The following COX14 variants were observed in gnomAD, a reference collection of about 807,000 sequenced individuals.
The protein encoded by COX14 is cytochrome c oxidase assembly protein COX14.
In COX14, 3 loss-of-function variants were observed where a neutral mutation model predicts 5.8. The ratio of observed to expected loss-of-function variants is 0.51; its 90% confidence interval spans 0.23 to 1.33. The LOEUF is 1.33. Ranked by LOEUF, COX14 falls within the 40% of genes most tolerant of loss-of-function variation. The pLI is 0.18. For missense variants in COX14, 72 were observed against 72.1 expected, an observed-to-expected ratio of 1.00 and a Z score of 0.01; for synonymous variants, 25 against 26.1, an observed-to-expected ratio of 0.96 and a Z score of 0.13.
chr12:50,117,042 C>T (rs1270666385), intron 1 of COX14, among the ~76,000 whole-genome samples: 1 of 152,142 alleles, frequency 6.6e-6, no homozygotes, highest in Non-Finnish European at 1.5e-5. Context: ...CAGGGTCTCA[C>T]TCTGTCACCC....
At position 50,113,108 on chromosome 12, in the gene COX14, C is replaced by A. The variant is rs1192078395; in HGVS notation, c.-9+807C>A. 2.0e-5 allele frequency among the ~76,000 whole-genome samples: 3 copies of A among 152,026 alleles called. No individual in the cohort carries two copies. The East Asian group carries it at 5.8e-4, about 29-fold the overall frequency. On this transcript the variant is annotated intron_variant, in intron 1 of 1. Transcript: ENST00000550487. ...CAACCTGGTCTCCAACTCCTGAGCT[C>A]AAGCCATCCTCCCGCCTCGGCCTCC...
At chr12:50,118,572 C>T (rs1478659142) in intron 1 of COX14, 1 of 240,602 alleles carries the variant, frequency 4.2e-6, no homozygotes, top group African/African-American at 2.3e-5. Flanking sequence ...TCAAAACCAT[C>T]CTGGCTAACA....
chr12:50,116,373 G>A lies in COX14; in HGVS notation c.-8-3663G>A, dbSNP rs139578206. Among the ~76,000 whole-genome samples, 7 of 152,332 alleles carry A rather than the reference G, an allele frequency of 4.6e-5. No individual in the cohort carries two copies. The East Asian group carries it at 1.3e-3, about 29-fold the overall frequency. ...CTCCCAAACTGTTGGGATTATAGGC[G>A]TGAGCCACTGCGCCCGGCCTGAAGA... On this transcript the variant is annotated intron_variant, in intron 1 of 1. Transcript: ENST00000550487.
chr12:50,119,917 C>G, intron 1 of COX14, 119 bp from the exon 2 acceptor site: 1 of 757,368 alleles, frequency 1.3e-6, no homozygotes, highest in South Asian at 1.5e-5. Context: ...AGGGGCCATT[C>G]AGTATAGAGT....
chr12:50,118,395 C>T (rs1335163991), intron 1 of COX14: 1 of 983,434 alleles, frequency 1.0e-6, no homozygotes, highest in Admixed American at 6.1e-5. Flanking sequence ...CAGTTTCTGT[C>T]AGTCTTCGTG....
rs546864820 is a variant in COX14 at position 50,115,597 on chromosome 12, G to A, written c.-9+3296G>A. On this transcript the variant is annotated intron_variant, in intron 1 of 1. Transcript: ENST00000550487. ...TGAGACAGGGTCTCCCTGTCACCCA[G>A]GCTGCAGTGTAATGGCATGATCTCG... Among the ~76,000 whole-genome samples the A allele has an allele frequency of 2.7e-5, 4 of 150,300 alleles. No homozygotes were observed. The South Asian group carries it at 8.4e-4, about 32-fold the overall frequency.
In COX14 at chr12:50,120,193, A is replaced by G. The variant is rs372336241; in HGVS notation, c.150A>G (p.Glu50=). Reference sequence around the variant, plus strand: ...GGGCCCAGCGCCAGGCCGCAGAAGAACAGAAGACCTCAGGAATCATGTAGA... The same window carrying G: ...GGGCCCAGCGCCAGGCCGCAGAAGAGCAGAAGACCTCAGGAATCATGTAGA... ...WRRAQRQAAE[E]QKTSGIM is the part of the protein sequence containing the mutation. Residue 50 remains glutamate, a synonymous_variant, in exon 2 of 2, where the codon GAA becomes GAG. Coordinates refer to ENST00000550487, the MANE Select transcript of COX14 (RefSeq NM_032901.4). The G allele has an allele frequency of 1.1e-4, 173 of 1,614,098 alleles. 1 individual carries two copies. Among genetic ancestry groups the G allele is most frequent in the Non-Finnish European group, 1.4e-4 (168 of 1,180,018 alleles).
At chr12:50,119,643 C>T (rs1049872398) in intron 1 of COX14, among the ~76,000 whole-genome samples, 4 of 152,166 alleles carry the variant, frequency 2.6e-5, no homozygotes, top group African/African-American at 9.7e-5. Flanking sequence ...TGCAATGAGT[C>T]ATACTCACAC....
chr12:50,113,130 C>T lies in COX14; in HGVS notation c.-9+829C>T, dbSNP rs1198038156. ...GCTCAAGCCATCCTCCCGCCTCGGC[C>T]TCCCAAAGTGTTGGGATTACCGGCG... On this transcript the variant is annotated intron_variant, in intron 1 of 1. Transcript: ENST00000550487. 2.0e-5 allele frequency among the ~76,000 whole-genome samples: 3 copies of T among 152,176 alleles called. No individual in the cohort carries two copies. In the East Asian group the frequency reaches 5.8e-4, roughly 29 times the overall value.
At chr12:50,119,051 G>A (rs1461190203) in intron 1 of COX14, among the ~76,000 whole-genome samples, 2 of 152,318 alleles carry the variant, frequency 1.3e-5, no homozygotes, top group East Asian at 3.9e-4. Context: ...TTAACAATTT[G>A]CTGGGGACCC....
chr12:50,119,892 A>T, intron 1 of COX14, 144 bp from the exon 2 acceptor site: 1 of 661,162 alleles, frequency 1.5e-6, no homozygotes, highest in East Asian at 2.7e-5. Flanking sequence ...TCCCTATGAG[A>T]CTTTACCTAG....
At chr12:50,114,999 C>T (rs1190061544) in intron 1 of COX14, among the ~76,000 whole-genome samples, 1 of 150,190 alleles carries the variant, frequency 6.7e-6, no homozygotes, top group Non-Finnish European at 1.5e-5. Flanking sequence ...ATCTCTGGAC[C>T]TTGTGATCTG....
chr12:50,113,538 C>T (rs1465603005), intron 1 of COX14, among the ~76,000 whole-genome samples: 2 of 147,946 alleles, frequency 1.4e-5, no homozygotes, highest in East Asian at 4.3e-4. Flanking sequence ...ATCCTGACCT[C>T]GTGATCCACC....
At chr12:50,112,445 G>C (rs1951033844) in intron 1 of COX14, 144 bp downstream of exon 1, 1 of 985,804 alleles carries the variant, frequency 1.0e-6, no homozygotes, top group South Asian at 4.7e-5. Flanking sequence ...GTTGCGTTGC[G>C]GACCGCGAGC....
chr12:50,116,835 CT>C (rs1186022876), intron 1 of COX14, among the ~76,000 whole-genome samples: 1 of 152,192 alleles, frequency 6.6e-6, no homozygotes, highest in Admixed American at 6.5e-5. Context: ...CTTAATATCA[CT>C]TTCCATAGTG....
At chr12:50,114,770 A>ATTTTTT (rs71083507) in intron 1 of COX14, among the ~76,000 whole-genome samples, 34 of 70,648 alleles carry the variant, frequency 4.8e-4, no homozygotes, top group Non-Finnish European at 8.1e-4. Flanking sequence ...GAGTATCTTA[A>ATTTTTT]TTTTTTTTTT....
intron 1 of COX14, among the ~76,000 whole-genome samples, chr12:50,113,544 C>G (rs1951050237): frequency 6.6e-6 from 1 of 151,836 alleles, no homozygotes; most frequent in African/African-American, 2.4e-5. Flanking sequence ...ACCTCGTGAT[C>G]CACCCGCCTC....
intron 1 of COX14, chr12:50,113,023 T>G (rs945068285): frequency 2.9e-5 from 4 of 136,774 alleles, no homozygotes; most frequent in African/African-American, 6.3e-5. Flanking sequence ...TAAAAAAAGG[T>G]TTTTTTTTTG....
chr12:50,119,274 G>T (rs181522930), intron 1 of COX14, among the ~76,000 whole-genome samples: 5 of 152,348 alleles, frequency 3.3e-5, no homozygotes, highest in African/African-American at 1.2e-4. Context: ...ATTGGATATT[G>T]CCTGAAAGGT....
Sources: gnomAD v4.1 joint callset for allele counts (sites outside exome capture counted in the v4.1 genomes callset) on GRCh38, gnomAD v4.1.1 for gene constraint, MANE v1.5 for transcripts, NCBI Gene and HGNC (gene_info 2026-07-23, HGNC 2026-07-21) for gene names.